Variants in DHX36 observed in about 807,000 individuals in gnomAD.
DHX36 encodes the protein DEAH-box helicase 36, also known as ATP-dependent DNA/RNA helicase DHX36.
A neutral mutation model predicts 139.0 loss-of-function variants in DHX36; 50 were observed. The ratio of observed to expected loss-of-function variants is 0.36; its 90% CI spans 0.29 to 0.46. The LOEUF (loss-of-function observed/expected upper bound fraction) is 0.46, where lower values mean the gene tolerates loss of function less well. DHX36 is among the 20% of genes least tolerant of loss of function. The pLI is 1.00. For synonymous variants in DHX36, 425 were observed against 401.9 expected, an observed-to-expected ratio of 1.06 and a Z score of -0.69; for missense variants, 1,024 against 1,211.3, an observed-to-expected ratio of 0.85 and a Z score of 2.29.
chr3:154,312,625 G>A (rs1033427463), intron 3 of DHX36, among the ~76,000 whole-genome samples: 1 of 151,336 alleles, frequency 6.6e-6, no homozygotes, highest in Non-Finnish European at 1.5e-5. Context: ...GGCAGATCAT[G>A]AGGTCAGGAG....
chr3:154,308,123 T>C (rs1712579615), intron 5 of DHX36, among the ~76,000 whole-genome samples: 1 of 152,154 alleles, frequency 6.6e-6, no homozygotes, highest in Admixed American at 6.6e-5. Flanking sequence ...GTACAATGTA[T>C]ATGATGTGGG....
chr3:154,323,995 T>A (rs927190463), intron 1 of DHX36, among the ~76,000 whole-genome samples, 179 bp downstream of exon 1: 2 of 152,234 alleles, frequency 1.3e-5, no homozygotes, highest in Non-Finnish European at 2.9e-5. Context: ...CAGATGAGCA[T>A]GGCTAATGTT....
chr3:154,322,073 A>G (rs867821588), intron 1 of DHX36, among the ~76,000 whole-genome samples: 1 of 152,230 alleles, frequency 6.6e-6, no homozygotes, highest in Non-Finnish European at 1.5e-5. Flanking sequence ...AAATACTCCT[A>G]TTTAAACAAG....
chr3:154,313,629 A>G (rs1712853707), intron 3 of DHX36, among the ~76,000 whole-genome samples: 1 of 152,186 alleles, frequency 6.6e-6, no homozygotes, highest in Non-Finnish European at 1.5e-5. Flanking sequence ...GCAGTGAGCC[A>G]TGATGGCACC....
chr3:154,320,455 T>C (rs544730199), intron 1 of DHX36, among the ~76,000 whole-genome samples: 1 of 152,270 alleles, frequency 6.6e-6, no homozygotes, highest in Non-Finnish European at 1.5e-5. Flanking sequence ...GGGCCCACTC[T>C]ATTTCTGACT....
chr3:154,302,217 G>T (rs1334673396), intron 9 of DHX36, among the ~76,000 whole-genome samples: 3 of 152,064 alleles, frequency 2.0e-5, no homozygotes, highest in African/African-American at 2.4e-5. Flanking sequence ...AAATGAGAAA[G>T]CATGTTCAAG....
chr3:154,316,471 A>G (rs1712988203), intron 1 of DHX36, among the ~76,000 whole-genome samples: 1 of 152,052 alleles, frequency 6.6e-6, no homozygotes, highest in East Asian at 1.9e-4. Context: ...AAACCCTCAC[A>G]TACTAATTAT....
chr3:154,277,696 C>T lies in DHX36; in HGVS notation c.2590G>A (p.Asp864Asn), dbSNP rs751870066. The T allele has an allele frequency of 3.1e-6, 5 of 1,608,394 alleles. No homozygotes were observed. Among genetic ancestry groups the T allele is most frequent in the East Asian group, 2.2e-5 (1 of 44,712 alleles). ...TTAGGATGAACAGCAACCAGGCCAT[C>T]GGTTTTTGTGTAAACTTTTACCCTT... ...RKMVKVYTKT[D>N]GLVAVHPKSV... The change falls in exon 23 of 25, where the codon GAT (aspartate) becomes AAT (asparagine). Residue 864 changes from aspartate (D) to asparagine (N), a missense_variant. Transcript: ENST00000496811.
At chr3:154,314,353 TC>T (rs1256484651) in intron 3 of DHX36, among the ~76,000 whole-genome samples, 1 of 152,232 alleles carries the variant, frequency 6.6e-6, no homozygotes, top group Non-Finnish European at 1.5e-5. Context: ...AGGGATCCTT[TC>T]TTTCCTATAG....
At chr3:154,312,559 T>C (rs528016015) in intron 3 of DHX36, among the ~76,000 whole-genome samples, 1 of 151,408 alleles carries the variant, frequency 6.6e-6, no homozygotes, top group Non-Finnish European at 1.5e-5. Flanking sequence ...ATGGAAAAAA[T>C]CGGCTGGGTA....
intron 12 of DHX36, among the ~76,000 whole-genome samples, chr3:154,297,531 T>C (rs916769618): frequency 6.6e-6 from 1 of 152,018 alleles, no homozygotes; most frequent in Non-Finnish European, 1.5e-5. Context: ...GCTAAGATGG[T>C]GAAACCCTGT....
chr3:154,291,508 C>T (rs1191708147), intron 15 of DHX36, among the ~76,000 whole-genome samples: 1 of 152,056 alleles, frequency 6.6e-6, no homozygotes, highest in Non-Finnish European at 1.5e-5. Context: ...CAAGTTATTC[C>T]CTGATAACTG....
In DHX36 at chr3:154,277,540, C is replaced by T. The variant is rs1200091715; in HGVS notation, c.2688+58G>A. ...TATATAATTGTTAAAACTACACAAT[C>T]ATAAAAATACAATGAGACTGATAAT... On this transcript the variant is annotated intron_variant, in intron 23 of 24. Transcript: ENST00000496811. 3.4e-6 allele frequency: 5 copies of T among 1,488,858 alleles called. No individual in the cohort carries two copies. The Admixed American group carries it at 1.1e-4, about 31-fold the overall frequency. 92.2% of individuals were successfully genotyped at this position (1,488,858 alleles called of 1,614,324 possible).
chr3:154,314,249 T>C (rs977575711), intron 3 of DHX36, among the ~76,000 whole-genome samples: 4 of 152,232 alleles, frequency 2.6e-5, no homozygotes, highest in African/African-American at 4.8e-5. Flanking sequence ...AACCTCAGCT[T>C]ATCTATTCTA....
In DHX36 at chr3:154,309,776, AC is replaced by A. The variant is rs765966001; in HGVS notation, c.689del (p.Gly230ValfsTer30). ...IDNHQVTVIS[G>X]ETGCGKTTQV... ...GAGTGGTTTTGCCACAACCAGTTTC[AC>A]CACTTATTACTGTTACCTGATGGTT... On this transcript the variant is annotated frameshift_variant, in exon 5 of 25. Transcript: ENST00000496811. LOFTEE classifies it high-confidence loss of function. The A allele has an allele frequency of 6.2e-7, 1 of 1,612,174 alleles. No individual in the cohort carries two copies. Among genetic ancestry groups the A allele is most frequent in the Non-Finnish European group, 8.5e-7 (1 of 1,179,210 alleles).
chr3:154,293,636 TTTAATA>T, intron 14 of DHX36, 106 bp downstream of exon 14: 1 of 760,312 alleles, frequency 1.3e-6, no homozygotes, highest in Non-Finnish European at 2.1e-6. Flanking sequence ...AGGTTTTATT[TTTAATA>T]AATTACAAGG....
intron 2 of DHX36, among the ~76,000 whole-genome samples, 186 bp downstream of exon 2, chr3:154,315,853 T>C (rs192966085): frequency 1.3e-5 from 2 of 152,128 alleles, no homozygotes; most frequent in Non-Finnish European, 2.9e-5. Flanking sequence ...ATTCATACCA[T>C]TTAGCTTTCC....
intron 13 of DHX36, among the ~76,000 whole-genome samples, chr3:154,295,024 T>C (rs1419525821): frequency 2.0e-5 from 3 of 152,224 alleles, no homozygotes; most frequent in Non-Finnish European, 4.4e-5. Context: ...TCAACGAAGT[T>C]ACTGGTGAAA....
At chr3:154,307,705 G>GGAGATTGCTCAAAGAACTAAAAATAGAGC (rs1387784172) in intron 5 of DHX36, among the ~76,000 whole-genome samples, 7 of 151,958 alleles carry the variant, frequency 4.6e-5, no homozygotes, top group Non-Finnish European at 1.0e-4. Context: ...AAAACAGTAT[G>GGAGATTGCTCAAAGAACTAAAAATAGAGC]GAGATTGCTC....
Sources: gnomAD v4.1 joint callset for allele counts (sites outside exome capture counted in the v4.1 genomes callset) on GRCh38, gnomAD v4.1.1 for gene constraint, MANE v1.5 for transcripts, NCBI Gene and HGNC (gene_info 2026-07-23, HGNC 2026-07-21) for gene names.